CSMD2: variants seen among roughly 807,000 people sequenced by gnomAD.
CSMD2 encodes the protein CUB and sushi domain-containing protein 2.
A neutral mutation model predicts 398.5 loss-of-function variants in CSMD2; 130 were observed. That is an observed-to-expected ratio of 0.33 (90% CI 0.28 to 0.38). The LOEUF (loss-of-function observed/expected upper bound fraction) is 0.38. CSMD2 is among the 10% of genes least tolerant of loss of function. The pLI is 1.00. For synonymous variants in CSMD2, 1,828 were observed against 1,908.5 expected (o/e 0.96, Z 1.10); for missense variants, 3,829 against 4,764.9 (o/e 0.80, Z 5.78).
intron 13 of CSMD2, among the ~76,000 whole-genome samples, chr1:33,766,352 G>A (rs1650493971): frequency 6.6e-6 from 1 of 152,122 alleles, no homozygotes; most frequent in Non-Finnish European, 1.5e-5. Flanking sequence ...TAACAGAGAA[G>A]ATGTCAAGTC....
rs74068686 is a variant in CSMD2, at chr1:33,986,219, G to T, written c.517+46375C>A. On this transcript the variant is annotated intron_variant, in intron 3 of 70. Transcript: ENST00000373381. ...GCTTTCCACTCAGCTCCGGCTTCTGGGGATACAAGGCTCAGGCCCTTGCAG... is the reference window on the plus strand; with the variant it reads ...GCTTTCCACTCAGCTCCGGCTTCTGTGGATACAAGGCTCAGGCCCTTGCAG... Among the ~76,000 whole-genome samples, 346 of 152,182 alleles carry T rather than the reference G, an allele frequency of 2.3e-3. 3 individuals carry two copies. Among genetic ancestry groups the T allele is most frequent in the African/African-American group, 7.6e-3 (317 of 41,494 alleles).
intron 1 of CSMD2, among the ~76,000 whole-genome samples, chr1:34,125,373 A>G (rs1158079987): frequency 6.6e-6 from 1 of 152,186 alleles, no homozygotes; most frequent in Non-Finnish European, 1.5e-5. Context: ...GCCCTTGGCC[A>G]GGGAAACTTG....
At chr1:33,601,848 C>T (rs888062421) in intron 43 of CSMD2, among the ~76,000 whole-genome samples, 4 of 152,138 alleles carry the variant, frequency 2.6e-5, no homozygotes, top group Admixed American at 6.5e-5. Flanking sequence ...AAAATCAGAC[C>T]CTCAGTCATA....
intron 5 of CSMD2, among the ~76,000 whole-genome samples, chr1:33,911,113 G>A (rs1301637104): frequency 6.6e-6 from 1 of 152,192 alleles, no homozygotes; most frequent in Non-Finnish European, 1.5e-5. Context: ...TTTGTGGAAG[G>A]AATAAATAAC....
chr1:33,708,101 T>C (rs530979448), intron 22 of CSMD2, among the ~76,000 whole-genome samples: 5 of 152,310 alleles, frequency 3.3e-5, no homozygotes, highest in African/African-American at 4.8e-5. Context: ...CCACACATTA[T>C]TGGAGGTACT....
intron 2 of CSMD2, among the ~76,000 whole-genome samples, chr1:34,068,300 G>T (rs1391171298): frequency 6.6e-6 from 1 of 152,138 alleles, no homozygotes; most frequent in Admixed American, 6.5e-5. Flanking sequence ...CCCTCTTTGG[G>T]TATGGGTAGC....
chr1:33,951,040 C>A (rs1644993089), intron 3 of CSMD2, among the ~76,000 whole-genome samples: 1 of 152,216 alleles, frequency 6.6e-6, no homozygotes, highest in Admixed American at 6.5e-5. Flanking sequence ...ACCCCAATTT[C>A]TCTTTCCCCT....
chr1:34,084,537 AAAAC>A (rs1408969935), intron 2 of CSMD2, among the ~76,000 whole-genome samples: 3 of 152,188 alleles, frequency 2.0e-5, no homozygotes, highest in Non-Finnish European at 4.4e-5. Flanking sequence ...TGACAAGAAA[AAAAC>A]AAACAACCCC....
chr1:33,886,190 C>A (rs1274486051), intron 5 of CSMD2, among the ~76,000 whole-genome samples: 1 of 152,124 alleles, frequency 6.6e-6, no homozygotes, highest in Non-Finnish European at 1.5e-5. Flanking sequence ...GGACTATATT[C>A]CATGGGTGAC....
At chr1:33,896,210 A>G (rs796474959) in intron 5 of CSMD2, among the ~76,000 whole-genome samples, 3 of 151,548 alleles carry the variant, frequency 2.0e-5, no homozygotes, top group African/African-American at 7.3e-5. Context: ...GAATTATTTG[A>G]TGGGGGAATT....
At chr1:34,068,149 CT>C (rs1241557646) in intron 2 of CSMD2, among the ~76,000 whole-genome samples, 1 of 152,180 alleles carries the variant, frequency 6.6e-6, no homozygotes, top group African/African-American at 2.4e-5. Flanking sequence ...CTTATGTCAG[CT>C]TTTGACAACA....
At chr1:33,882,074 C>T (rs1249583571) in intron 5 of CSMD2, 1 of 152,170 alleles carries the variant, frequency 6.6e-6, no homozygotes, top group Non-Finnish European at 1.5e-5. Flanking sequence ...GTATAAATCC[C>T]TAAAAGTGGT....
At chr1:33,666,980 A>G (rs1364887355) in intron 25 of CSMD2, among the ~76,000 whole-genome samples, 1 of 152,180 alleles carries the variant, frequency 6.6e-6, no homozygotes, top group African/African-American at 2.4e-5. Flanking sequence ...GGATTTAATA[A>G]CATGAGATAA....
intron 5 of CSMD2, among the ~76,000 whole-genome samples, chr1:33,853,410 G>A (rs1156631045): frequency 6.6e-6 from 1 of 152,200 alleles, no homozygotes; most frequent in Non-Finnish European, 1.5e-5. Flanking sequence ...TATTTAGTAA[G>A]CAATTCTTTT....
In CSMD2 at chr1:33,771,620, A is replaced by G. The variant is rs115411628; in HGVS notation, c.1846+949T>C. ...TCATCAACTCATACACCAAACTCTCAGTCATCACAGAGACCCTGACAGTCT... is the reference window on the plus strand; with the variant it reads ...TCATCAACTCATACACCAAACTCTCGGTCATCACAGAGACCCTGACAGTCT... On this transcript the variant is annotated intron_variant, in intron 13 of 70. Transcript: ENST00000373381. Among the ~76,000 whole-genome samples the G allele has an allele frequency of 2.7e-3, 414 of 152,082 alleles. 5 individuals carry two copies. Among genetic ancestry groups the G allele is most frequent in the African/African-American group, 9.8e-3 (405 of 41,478 alleles).
chr1:34,071,540 AAG>A (rs1655734689), intron 2 of CSMD2, among the ~76,000 whole-genome samples: 1 of 152,254 alleles, frequency 6.6e-6, no homozygotes, highest in Non-Finnish European at 1.5e-5. Flanking sequence ...GAAAGATAGA[AAG>A]AGAGGATTGC....
At chr1:34,052,479 AT>A in intron 2 of CSMD2, among the ~76,000 whole-genome samples, 1 of 140,262 alleles carries the variant, frequency 7.1e-6, no homozygotes, top group South Asian at 2.5e-4. Flanking sequence ...CGAGAAATCA[AT>A]CCCCTATGGG....
chr1:33,895,684 C>T (rs1642338241), intron 5 of CSMD2, among the ~76,000 whole-genome samples: 1 of 152,126 alleles, frequency 6.6e-6, no homozygotes, highest in Non-Finnish European at 1.5e-5. Context: ...AGAAAGGTGG[C>T]AGGCTACACT....
chr1:34,082,560 C>G (rs1558354079), intron 2 of CSMD2, among the ~76,000 whole-genome samples: 1 of 152,250 alleles, frequency 6.6e-6, no homozygotes, highest in African/African-American at 2.4e-5. Flanking sequence ...GTCCACCACC[C>G]CGTCTGGGAG....
Sources: allele counts gnomAD v4.1 joint callset (sites outside exome capture counted in the v4.1 genomes callset), GRCh38; gene constraint gnomAD v4.1.1; transcripts MANE v1.5; gene names NCBI Gene and HGNC (gene_info 2026-07-23, HGNC 2026-07-21).